Variants in ADAMTSL1 observed in about 807,000 individuals in gnomAD.
ADAMTSL1 encodes ADAMTS like 1.
In ADAMTSL1, 126 loss-of-function variants were observed where a neutral mutation model predicts 201.8. The ratio of observed to expected loss-of-function variants is 0.62; its 90% CI spans 0.54 to 0.72. The LOEUF (loss-of-function observed/expected upper bound fraction) is 0.72, where lower values mean the gene tolerates loss of function less well. Ranked by LOEUF, ADAMTSL1 falls within the 30% of genes least tolerant of loss-of-function variation. ADAMTSL1 has a pLI of 0.00. For missense variants in ADAMTSL1, 2,679 were observed against 2,277.8 expected (o/e 1.18, Z -3.59); for synonymous variants, 1,121 against 903.4 (o/e 1.24, Z -4.32).
At chr9:18,183,861 T>G (rs7872643) in intron 2 of ADAMTSL1, among the ~76,000 whole-genome samples, 27,273 of 152,188 alleles carry the variant, frequency 0.18, 2,797 homozygotes, top group East Asian at 0.25. Flanking sequence ...TTTCTATTAT[T>G]TTGAATTTGC....
At chr9:18,753,270 G>A (rs752952147) in intron 15 of ADAMTSL1, 28 bp from the exon 16 acceptor site, 1 of 1,590,294 alleles carries the variant, frequency 6.3e-7, no homozygotes, top group Non-Finnish European at 8.6e-7. Context: ...CTAAGGGTGT[G>A]TCCTCTTCCT....
At chr9:18,372,093 C>T (rs939055006) in intron 2 of ADAMTSL1, among the ~76,000 whole-genome samples, 21 of 152,192 alleles carry the variant, frequency 1.4e-4, no homozygotes, top group African/African-American at 4.8e-4. Flanking sequence ...CCTTCAACTG[C>T]ACTTCCTCAA....
chr9:18,362,173 A>G (rs898360815), intron 2 of ADAMTSL1: 1 of 152,202 alleles, frequency 6.6e-6, no homozygotes, highest in Non-Finnish European at 1.5e-5. Context: ...CCCAGCTAAA[A>G]CTGGAACAGG....
chr9:18,399,318 T>TATATATATAC lies in ADAMTSL1; in HGVS notation c.208-105502_208-105501insCATATATATA, dbSNP rs1554672314. Among the ~76,000 whole-genome samples the TATATATATAC allele has an allele frequency of 4.8e-3, 479 of 100,754 alleles. 29 individuals are homozygous for TATATATATAC. Among genetic ancestry groups the TATATATATAC allele is most frequent in the South Asian group, 8.7e-3 (23 of 2,646 alleles). 66.1% of individuals were successfully genotyped at this position (100,754 alleles called of 152,430 possible). ...ATATATATATATATATATATATATA[T>TATATATATAC]ATATATATATAAAATTATTATTTTC... On this transcript the variant is annotated intron_variant, in intron 2 of 29. Coordinates refer to the ADAMTSL1 transcript ENST00000680146.
Position 18,653,817 on chromosome 9 carries a change from G to C in ADAMTSL1, c.835-3822G>C, listed in dbSNP as rs545056242. Among the ~76,000 whole-genome samples, 14 of 152,304 alleles carry C rather than the reference G, an allele frequency of 9.2e-5. No individual in the cohort carries two copies. The South Asian group carries it at 2.7e-3, about 29-fold the overall frequency. On this transcript the variant is annotated intron_variant, in intron 7 of 28. Transcript: ENST00000380548. ...GCATTTCCAACTGTTAAAATTATCA[G>C]GTATTTCAAACAGTGAGACAACTGA...
chr9:18,229,601 GA>G (rs1830566851), intron 2 of ADAMTSL1, among the ~76,000 whole-genome samples: 1 of 151,968 alleles, frequency 6.6e-6, no homozygotes, highest in South Asian at 2.1e-4. Context: ...GTGGGACACT[GA>G]AAAAAATTAG....
At chr9:18,530,848 G>T (rs1319299684) in intron 2 of ADAMTSL1, among the ~76,000 whole-genome samples, 4 of 152,126 alleles carry the variant, frequency 2.6e-5, no homozygotes, top group African/African-American at 4.8e-5. Context: ...AGAAAGCAGA[G>T]CCTATTTTTA....
chr9:18,603,249 G>A (rs1240004735), intron 4 of ADAMTSL1, among the ~76,000 whole-genome samples: 1 of 152,064 alleles, frequency 6.6e-6, no homozygotes, highest in African/African-American at 2.4e-5. Flanking sequence ...AAGAAACCAA[G>A]GCCTAGAAAG....
At chr9:18,546,774 G>A (rs1002397432) in intron 3 of ADAMTSL1, among the ~76,000 whole-genome samples, 4 of 151,946 alleles carry the variant, frequency 2.6e-5, no homozygotes, top group Non-Finnish European at 4.4e-5. Flanking sequence ...ATTTGACTTC[G>A]TGACTGGGCA....
rs528514856 is a variant in ADAMTSL1, at chr9:18,794,829, A to T, written c.3678-568A>T. Among the ~76,000 whole-genome samples the T allele has an allele frequency of 1.1e-3, 169 of 152,078 alleles. 3 individuals carry two copies. Among genetic ancestry groups the T allele is most frequent in the African/African-American group, 3.7e-3 (153 of 41,490 alleles). On this transcript the variant is annotated intron_variant, in intron 19 of 28. Transcript: ENST00000380548. ...TATTATTTTTGTAGTTTTAGTAGAG[A>T]CGGAGCTTTGCCATGTTGGCCAGGC...
intron 1 of ADAMTSL1, among the ~76,000 whole-genome samples, chr9:17,984,855 C>G (rs1021909591): frequency 3.3e-5 from 5 of 152,078 alleles, no homozygotes; most frequent in Non-Finnish European, 7.4e-5. Context: ...GGGCCTGGGT[C>G]AAAATCCTAA....
chr9:18,866,895 C>T (rs1827570782), intron 23 of ADAMTSL1, among the ~76,000 whole-genome samples: 1 of 152,210 alleles, frequency 6.6e-6, no homozygotes, highest in Non-Finnish European at 1.5e-5. Context: ...GAGTGTTGCC[C>T]TTATCCACCT....
chr9:18,289,289 C>G (rs1405111452), intron 2 of ADAMTSL1, among the ~76,000 whole-genome samples: 1 of 152,058 alleles, frequency 6.6e-6, no homozygotes, highest in East Asian at 1.9e-4. Flanking sequence ...AAGTTGGATA[C>G]CCAGGAGAAC....
At chr9:18,471,854 T>C (rs1216890257), upstream of ADAMTSL1, among the ~76,000 whole-genome samples, 12 of 152,340 alleles carry the variant, frequency 7.9e-5, no homozygotes, top group East Asian at 2.1e-3. Context: ...AAGGCAGAAA[T>C]TTCTGACTCA....
intron 21 of ADAMTSL1, among the ~76,000 whole-genome samples, chr9:18,822,878 GTGTATCACTACCTTTT>G (rs1185193258): frequency 1.3e-5 from 2 of 152,208 alleles, no homozygotes; most frequent in Non-Finnish European, 2.9e-5. Context: ...TATTAGGCAT[GTGTATCACTACCTTTT>G]CAAGGGACTC....
At chr9:18,545,979 G>T (rs1435935669) in intron 3 of ADAMTSL1, among the ~76,000 whole-genome samples, 1 of 152,128 alleles carries the variant, frequency 6.6e-6, no homozygotes, top group Non-Finnish European at 1.5e-5. Flanking sequence ...TGAACTTGTA[G>T]GTTTTTCCCT....
chr9:18,530,260 AACAAAATC>A, intron 2 of ADAMTSL1, among the ~76,000 whole-genome samples: 1 of 152,326 alleles, frequency 6.6e-6, no homozygotes, highest in East Asian at 1.9e-4. Flanking sequence ...CAAGTGGAAG[AACAAAATC>A]TATATCCCAG....
At position 18,557,074 on chromosome 9, in the gene ADAMTSL1, G is replaced by A. The variant is rs113266347; in HGVS notation, c.238-16956G>A. On this transcript the variant is annotated intron_variant, in intron 3 of 28. Transcript: ENST00000380548. ...TTAAACTCTTTCCATGGTTTTGTCC[G>A]TATGAACCCTACTTCTTTCCCCTCA... is the stretch of plus-strand genomic sequence containing the variant. Among the ~76,000 whole-genome samples the A allele has an allele frequency of 3.9e-3, 592 of 152,036 alleles. 5 individuals carry two copies. Among genetic ancestry groups the A allele is most frequent in the African/African-American group, 0.013 (542 of 41,502 alleles).
At chr9:18,850,092 C>A (rs1255778096) in intron 23 of ADAMTSL1, among the ~76,000 whole-genome samples, 2 of 152,170 alleles carry the variant, frequency 1.3e-5, no homozygotes. Flanking sequence ...CACTGCCTAG[C>A]CACTGTTCTA....
Sources: allele counts gnomAD v4.1 joint callset (sites outside exome capture counted in the v4.1 genomes callset), GRCh38; gene constraint gnomAD v4.1.1; transcripts MANE v1.5; gene names NCBI Gene and HGNC (gene_info 2026-07-23, HGNC 2026-07-21).